GALNTL6: variants seen among roughly 807,000 people sequenced by gnomAD.
The protein encoded by GALNTL6 is polypeptide N-acetylgalactosaminyltransferase-like 6.
GALNTL6 carries 46 observed loss-of-function variants against 73.7 expected under a neutral mutation model. The ratio of observed to expected loss-of-function variants is 0.62; its 90% CI spans 0.49 to 0.80. The LOEUF is 0.80. GALNTL6 is among the 30% of genes least tolerant of loss of function. The pLI, the probability that GALNTL6 is intolerant of heterozygous loss-of-function variation, is 0.00. For synonymous variants in GALNTL6, 259 were observed against 263.7 expected (o/e 0.98, Z 0.17); for missense variants, 604 against 755.0 (o/e 0.80, Z 2.34).
intron 5 of GALNTL6, among the ~76,000 whole-genome samples, chr4:172,495,530 C>T (rs1373777129): frequency 6.6e-5 from 10 of 152,184 alleles, no homozygotes. Context: ...ACCTTAGACT[C>T]CTCCCGCTTT....
intron 5 of GALNTL6, among the ~76,000 whole-genome samples, chr4:172,561,886 C>A (rs979601310): frequency 6.6e-6 from 1 of 152,114 alleles, no homozygotes; most frequent in Admixed American, 6.5e-5. Flanking sequence ...AGCAAACTGT[C>A]TGAAATTGTC....
intron 11 of GALNTL6, among the ~76,000 whole-genome samples, chr4:173,014,590 G>A (rs1752700084): frequency 6.6e-6 from 1 of 152,068 alleles, no homozygotes; most frequent in Admixed American, 6.6e-5. Flanking sequence ...CTCTCTTTGG[G>A]AAAAAAGAGT....
intron 9 of GALNTL6, among the ~76,000 whole-genome samples, chr4:172,945,082 A>AG (rs1053189508): frequency 2.0e-5 from 3 of 151,908 alleles, no homozygotes; most frequent in Non-Finnish European, 4.4e-5. Context: ...AGAAAAAAAA[A>AG]GAATACTATA....
At chr4:172,479,734 C>T (rs573079623) in intron 5 of GALNTL6, among the ~76,000 whole-genome samples, 3 of 152,270 alleles carry the variant, frequency 2.0e-5, no homozygotes, top group Admixed American at 6.5e-5. Context: ...CAGCTTTTCT[C>T]GCTTCATGTG....
At chr4:171,900,468 C>T (rs541416887) in intron 2 of GALNTL6, among the ~76,000 whole-genome samples, 3 of 140,518 alleles carry the variant, frequency 2.1e-5, no homozygotes, top group Admixed American at 7.1e-5. Flanking sequence ...CCACCACACT[C>T]GGCTAATTTT....
chr4:172,487,295 C>CTTCTGTCT (rs762464907), intron 5 of GALNTL6, among the ~76,000 whole-genome samples: 17 of 81,570 alleles, frequency 2.1e-4, no homozygotes, highest in African/African-American at 7.9e-4. Context: ...TCCTTCTTTC[C>CTTCTGTCT]TTCTGTCTTT....
At chr4:172,075,771 C>CAGAGAGAGAGAG (rs150769265) in intron 2 of GALNTL6, among the ~76,000 whole-genome samples, 1 of 149,400 alleles carries the variant, frequency 6.7e-6, no homozygotes, top group East Asian at 2.0e-4. Context: ...GGGACAAAGA[C>CAGAGAGAGAGAG]AGAGAGAGAG....
intron 3 of GALNTL6, among the ~76,000 whole-genome samples, chr4:172,245,108 T>A (rs1011059008): frequency 1.3e-5 from 2 of 152,154 alleles, no homozygotes; most frequent in Non-Finnish European, 2.9e-5. Context: ...AATTATTGAG[T>A]ACACTAAGAT....
chr4:172,519,212 G>T (rs1234792607), intron 5 of GALNTL6, among the ~76,000 whole-genome samples: 1 of 149,958 alleles, frequency 6.7e-6, no homozygotes, highest in African/African-American at 2.4e-5. Context: ...TTGTAAATAT[G>T]CAAGAGAGAT....
In GALNTL6 at chr4:172,257,131, G is replaced by A. The variant is rs750877166; in HGVS notation, c.247+27367G>A. On this transcript the variant is annotated intron_variant, in intron 3 of 12. Coordinates refer to ENST00000506823, the MANE Select transcript of GALNTL6 (RefSeq NM_001034845.3). ...CAAGTTTTTCAAAATTAAAGATAAA[G>A]TCTGGACATATATGAAGTTCTTACT... Among the ~76,000 whole-genome samples, 102 of 151,336 alleles carry A rather than the reference G, an allele frequency of 6.7e-4. 1 individual carries two copies. Among genetic ancestry groups the A allele is most frequent in the Non-Finnish European group, 1.2e-3 (78 of 67,518 alleles).
Position 171,884,936 on chromosome 4 carries a change from A to T in GALNTL6, c.138+70218A>T, listed in dbSNP as rs113340248. On this transcript the variant is annotated intron_variant, in intron 2 of 12. Transcript: ENST00000506823. ...GCTGAGTGTGGTGGTGGGTGTCTGT[A>T]ATCCCAGCTACTCGGAAGGCTGAGG... is the stretch of plus-strand genomic sequence containing the variant. 8.0e-3 allele frequency among the ~76,000 whole-genome samples: 1,215 copies of T among 152,106 alleles called. 13 individuals carry two copies. Among genetic ancestry groups the T allele is most frequent in the African/African-American group, 0.023 (946 of 41,486 alleles).
intron 3 of GALNTL6, among the ~76,000 whole-genome samples, chr4:172,277,430 G>A (rs545676656): frequency 1.3e-3 from 195 of 152,066 alleles, no homozygotes; most frequent in African/African-American, 4.5e-3. Context: ...GCCCCCAAAA[G>A]TGTTTTACTT....
intron 5 of GALNTL6, among the ~76,000 whole-genome samples, chr4:172,350,852 C>T (rs2111220288): frequency 6.6e-6 from 1 of 152,212 alleles, no homozygotes; most frequent in East Asian, 1.9e-4. Context: ...ATCACTCCTC[C>T]TTTCTGAATT....
At chr4:172,780,749 A>T (rs1416715504) in intron 5 of GALNTL6, among the ~76,000 whole-genome samples, 1 of 152,174 alleles carries the variant, frequency 6.6e-6, no homozygotes, top group Non-Finnish European at 1.5e-5. Context: ...CTTCCCCTTA[A>T]GAGCAAAATA....
chr4:172,127,436 C>T (rs1039484133), intron 2 of GALNTL6, among the ~76,000 whole-genome samples: 4 of 152,208 alleles, frequency 2.6e-5, no homozygotes, highest in Non-Finnish European at 4.4e-5. Flanking sequence ...TGCATTCGGC[C>T]CATCACAGCC....
intron 2 of GALNTL6, among the ~76,000 whole-genome samples, chr4:171,858,524 G>A (rs577224480): frequency 4.0e-5 from 6 of 150,346 alleles, no homozygotes; most frequent in Admixed American, 2.0e-4. Flanking sequence ...CACTTTTCAG[G>A]TGTGGAATCT....
intron 7 of GALNTL6, among the ~76,000 whole-genome samples, chr4:172,847,248 G>A (rs184322295): frequency 1.1e-4 from 17 of 152,156 alleles, no homozygotes; most frequent in African/African-American, 3.4e-4. Context: ...ACTCTATCAC[G>A]CTTATTTGAG....
At chr4:172,301,994 C>T (rs1739948155) in intron 3 of GALNTL6, among the ~76,000 whole-genome samples, 1 of 152,198 alleles carries the variant, frequency 6.6e-6, no homozygotes, top group Non-Finnish European at 1.5e-5. Flanking sequence ...AGGCAGGCCT[C>T]CTTGAGCTGC....
At chr4:172,627,163 G>A (rs774244860) in intron 5 of GALNTL6, among the ~76,000 whole-genome samples, 9 of 152,142 alleles carry the variant, frequency 5.9e-5, no homozygotes, top group Non-Finnish European at 1.3e-4. Context: ...TCTGAGGTAC[G>A]TTTCTTCAAT....
Sources: allele counts gnomAD v4.1 joint callset (sites outside exome capture counted in the v4.1 genomes callset), GRCh38; gene constraint gnomAD v4.1.1; transcripts MANE v1.5; gene names NCBI Gene and HGNC (gene_info 2026-07-23, HGNC 2026-07-21).